The following CSMD2 variants were observed in gnomAD, a reference collection of about 807,000 sequenced individuals.
CSMD2 encodes the protein CUB and sushi domain-containing protein 2.
A neutral mutation model predicts 398.5 loss-of-function variants in CSMD2; 130 were observed. The ratio of observed to expected loss-of-function variants is 0.33; its 90% CI spans 0.28 to 0.38. CSMD2 has a LOEUF of 0.38. Among genes scored for constraint, CSMD2 ranks in the 10% least tolerant of loss-of-function variants. The pLI, the probability that CSMD2 is intolerant of heterozygous loss-of-function variation, is 1.00. For missense variants in CSMD2, 3,829 were observed against 4,764.9 expected (o/e 0.80, Z 5.78); for synonymous variants, 1,828 against 1,908.5 (o/e 0.96, Z 1.10).
At chr1:34,126,134 T>G (rs1662715787) in intron 1 of CSMD2, among the ~76,000 whole-genome samples, 1 of 152,190 alleles carries the variant, frequency 6.6e-6, no homozygotes, top group East Asian at 1.9e-4. Flanking sequence ...GACAAACCCT[T>G]TACTGATGAC....
intron 25 of CSMD2, among the ~76,000 whole-genome samples, chr1:33,678,768 C>T (rs935341164): frequency 2.6e-5 from 4 of 152,162 alleles, no homozygotes; most frequent in Admixed American, 6.5e-5. Context: ...ACTGAGAAGA[C>T]AGACCAAAGC....
chr1:33,826,310 C>A (rs867560673), intron 6 of CSMD2, among the ~76,000 whole-genome samples: 2 of 151,076 alleles, frequency 1.3e-5, no homozygotes, highest in Admixed American at 6.6e-5. Context: ...TACATTCCCC[C>A]ACTCCTTGAC....
intron 55 of CSMD2, among the ~76,000 whole-genome samples, chr1:33,551,928 G>T (rs1223620269): frequency 6.6e-6 from 1 of 152,142 alleles, no homozygotes; most frequent in East Asian, 1.9e-4. Flanking sequence ...CTCATATGAG[G>T]GGAGGGACCA....
At chr1:33,730,854 CT>C (rs1249488125) in intron 15 of CSMD2, among the ~76,000 whole-genome samples, 1 of 152,120 alleles carries the variant, frequency 6.6e-6, no homozygotes, top group Non-Finnish European at 1.5e-5. Context: ...GACGAATTTT[CT>C]TTTAAAAACT....
At chr1:33,536,404 T>C (rs1347389902) in intron 62 of CSMD2, among the ~76,000 whole-genome samples, 2 of 152,212 alleles carry the variant, frequency 1.3e-5, no homozygotes, top group African/African-American at 2.4e-5. Context: ...TTTGTATTTT[T>C]AGTAGAGACG....
At chr1:33,553,105 A>G (rs1176423461) in intron 55 of CSMD2, among the ~76,000 whole-genome samples, 1 of 152,228 alleles carries the variant, frequency 6.6e-6, no homozygotes, top group Non-Finnish European at 1.5e-5. Context: ...GAAGCTGGTT[A>G]TAAGTTACAG....
At chr1:33,675,149 A>C (rs979012643) in intron 25 of CSMD2, among the ~76,000 whole-genome samples, 18 of 152,210 alleles carry the variant, frequency 1.2e-4, no homozygotes, top group Non-Finnish European at 1.8e-4. Context: ...AAAACCCTTC[A>C]AAAAATCAAT....
chr1:33,727,390 C>A (rs1022008902), intron 15 of CSMD2, among the ~76,000 whole-genome samples: 1 of 152,088 alleles, frequency 6.6e-6, no homozygotes, highest in Non-Finnish European at 1.5e-5. Flanking sequence ...CCTGGGCTTC[C>A]CCATTCTCAG....
intron 25 of CSMD2, among the ~76,000 whole-genome samples, chr1:33,666,368 G>C (rs1323571421): frequency 1.3e-5 from 2 of 152,082 alleles, no homozygotes; most frequent in Non-Finnish European, 2.9e-5. Context: ...AGATAACTTA[G>C]TTTATGTACT....
At chr1:34,054,122 G>A (rs375077582) in intron 2 of CSMD2, among the ~76,000 whole-genome samples, 26 of 152,068 alleles carry the variant, frequency 1.7e-4, no homozygotes, top group East Asian at 7.7e-4. Flanking sequence ...GATAACATAG[G>A]TATTTTACTA....
At chr1:34,010,254 C>T (rs1647203471) in intron 3 of CSMD2, among the ~76,000 whole-genome samples, 1 of 152,186 alleles carries the variant, frequency 6.6e-6, no homozygotes, top group African/African-American at 2.4e-5. Flanking sequence ...TCATCCTTCC[C>T]TTAGTTCACT....
chr1:34,140,317 C>A lies in CSMD2; in HGVS notation c.187+24594G>T, dbSNP rs369822644. 3.1e-3 allele frequency among the ~76,000 whole-genome samples: 426 copies of A among 137,824 alleles called. 2 individuals are homozygous for A. Among genetic ancestry groups the A allele is most frequent in the Middle Eastern group, 0.018 (5 of 276 alleles). 90.4% of individuals were successfully genotyped at this position (137,824 alleles called of 152,430 possible). On this transcript the variant is annotated intron_variant, in intron 1 of 70. Transcript: ENST00000373381. ...GCAAAAAAACAAACAAACAAACAAACAAAAAAAAACCCAGCGGCAGAAGAA... is the reference window on the plus strand; with the variant it reads ...GCAAAAAAACAAACAAACAAACAAAAAAAAAAAAACCCAGCGGCAGAAGAA...
chr1:34,073,154 T>G (rs1029058836), intron 2 of CSMD2, among the ~76,000 whole-genome samples: 3 of 152,210 alleles, frequency 2.0e-5, no homozygotes, highest in African/African-American at 7.2e-5. Flanking sequence ...TCTGCCTCCT[T>G]ATTAACCACA....
intron 1 of CSMD2, among the ~76,000 whole-genome samples, chr1:34,123,731 A>C (rs558056350): frequency 1.1e-4 from 17 of 152,116 alleles, no homozygotes; most frequent in South Asian, 4.2e-4. Flanking sequence ...GAGAAAAAAA[A>C]CCCACACTTT....
rs983276438 is a variant in CSMD2, at chr1:34,100,657, C to G, written c.188-11464G>C. 5.3e-5 allele frequency among the ~76,000 whole-genome samples: 8 copies of G among 152,158 alleles called. No homozygotes were observed. The South Asian group carries it at 6.2e-4, about 12-fold the overall frequency. ...AGATACTGAATCTGTTCATAAACAG[C>G]ATTTTAAATGGATGCACAACGTTTC... On this transcript the variant is annotated intron_variant, in intron 1 of 70. Transcript: ENST00000373381.
intron 28 of CSMD2, among the ~76,000 whole-genome samples, chr1:33,651,039 G>A (rs1643727758): frequency 6.6e-6 from 1 of 152,176 alleles, no homozygotes; most frequent in South Asian, 2.1e-4. Context: ...GCTGAGCACT[G>A]TCATTAGAGG....
At position 33,635,256 on chromosome 1, in the gene CSMD2, C is replaced by T; in HGVS notation, c.5044G>A (p.Gly1682Arg). The T allele has an allele frequency of 6.2e-7, 1 of 1,613,690 alleles. No individual in the cohort carries two copies. The highest frequency in any genetic ancestry group is 1.1e-5 in the South Asian group (1 of 91,058). ...SPNYPQNYTS[G>R]QICLYFVTVP... ...GTAACAAAATACAAGCAGATCTGTCCACTGGTGTAGTTCTGGGGGTAGTTG... is the reference window on the plus strand; with the variant it reads ...GTAACAAAATACAAGCAGATCTGTCTACTGGTGTAGTTCTGGGGGTAGTTG... The change falls in exon 31 of 71, where the codon GGA (glycine) becomes AGA (arginine). Residue 1682 changes from glycine (G) to arginine (R), a missense_variant. Physicochemically the swap from Gly to Arg is moderately radical, Grantham distance 125. This residue lies in a region of CSMD2 where 2,001 missense variants were observed against 2,567.1 expected (regional missense o/e 0.78). Coordinates refer to ENST00000373381, the MANE Select transcript of CSMD2 (RefSeq NM_001281956.2). The surrounding 1 kb of genome is among the most constrained non-coding windows in gnomAD (Gnocchi z 5.0).
Position 33,739,229 on chromosome 1 carries a change from C to G in CSMD2, c.2279G>C (p.Gly760Ala), listed in dbSNP as rs1646979088. 7 of 1,614,212 alleles carry G rather than the reference C, an allele frequency of 4.3e-6. No individual in the cohort carries two copies. Among genetic ancestry groups the G allele is most frequent in the Non-Finnish European group, 5.1e-6 (6 of 1,180,040 alleles). Residue 760 changes from glycine (G) to alanine (A), a missense_variant, in exon 15 of 71, where the codon GGC (glycine) becomes GCC (alanine). By Grantham distance (60) the Gly-to-Ala change is moderately conservative. Around this residue, in one of 5 missense-constraint regions of CSMD2, gnomAD observed 2,001 missense variants for 2,567.1 expected, o/e 0.78. Coordinates refer to ENST00000373381, the MANE Select transcript of CSMD2 (RefSeq NM_001281956.2). The part of the protein sequence containing the change: ...GSSISFLCDE[G>A]FLGTQGSETI... ...CTCTGAGCCCTGAGTCCCAAGGAAG[C>G]CTTCATCACAGAGGAAGGAGATGGA...
chr1:34,044,752 A>G (rs1225325556), intron 2 of CSMD2, among the ~76,000 whole-genome samples: 1 of 152,202 alleles, frequency 6.6e-6, no homozygotes, highest in Non-Finnish European at 1.5e-5. Context: ...GTAATATAGC[A>G]AATTGGGCCT....
Sources: gnomAD v4.1 joint callset for allele counts (sites outside exome capture counted in the v4.1 genomes callset) on GRCh38, gnomAD v4.1.1 for gene constraint, gnomAD v4.1.1 regional missense constraint, Gnocchi (gnomAD v3.1) non-coding constraint, MANE v1.5 for transcripts, NCBI Gene and HGNC (gene_info 2026-07-23, HGNC 2026-07-21) for gene names.